TUSC3: variants seen among roughly 807,000 people sequenced by gnomAD.
TUSC3 encodes the protein tumor suppressor candidate 3.
Under a neutral mutation model 44.8 loss-of-function variants are expected in TUSC3, and 45 were observed. The observed-to-expected ratio is 1.00, with a 90% CI of 0.79 to 1.29. The LOEUF (loss-of-function observed/expected upper bound fraction) is 1.29, where lower values mean the gene tolerates loss of function less well. Among genes scored for constraint, TUSC3 ranks in the 50% most tolerant of loss-of-function variants. The pLI is 0.00. For missense variants in TUSC3, 519 were observed against 437.9 expected (o/e 1.19, Z -1.65); for synonymous variants, 212 against 152.9 (o/e 1.39, Z -2.85).
chr8:15,769,822 A>AT (rs1812409620), downstream of TUSC3, among the ~76,000 whole-genome samples: 1 of 152,248 alleles, frequency 6.6e-6, no homozygotes, highest in African/African-American at 2.4e-5. Context: ...AAGAAAGCTC[A>AT]TCATCACTGG....
the TUSC3 span, among the ~76,000 whole-genome samples, chr8:15,802,857 G>C: frequency 1.3e-5 from 2 of 151,726 alleles, no homozygotes; most frequent in East Asian, 3.9e-4. Context: ...ATCACTAACT[G>C]CGTTCATACT....
intron 1 of TUSC3, among the ~76,000 whole-genome samples, chr8:15,574,851 C>T (rs1010321684): frequency 6.6e-6 from 1 of 152,136 alleles, no homozygotes; most frequent in Non-Finnish European, 1.5e-5. Flanking sequence ...TTAGAGCAAT[C>T]AGCCAGTTAG....
chr8:15,780,225 C>T, the TUSC3 span, among the ~76,000 whole-genome samples: 1 of 152,118 alleles, frequency 6.6e-6, no homozygotes, highest in African/African-American at 2.4e-5. Flanking sequence ...AGAATATCAA[C>T]CTTAAATGGG....
At chr8:15,688,116 G>A (rs1156418873) in intron 6 of TUSC3, among the ~76,000 whole-genome samples, 1 of 151,900 alleles carries the variant, frequency 6.6e-6, no homozygotes, top group Non-Finnish European at 1.5e-5. Context: ...GGAAAATTGT[G>A]TAGTACATTG....
chr8:15,748,766 C>T (rs182129406), intron 9 of TUSC3: 21 of 553,154 alleles, frequency 3.8e-5, no homozygotes, highest in African/African-American at 1.9e-4. Flanking sequence ...CTTAGTTTGT[C>T]GTGATTTCGA....
intron 7 of TUSC3, among the ~76,000 whole-genome samples, chr8:15,737,508 C>A (rs1810987931): frequency 6.6e-6 from 1 of 152,024 alleles, no homozygotes; most frequent in South Asian, 2.1e-4. Context: ...TCAACAGGAT[C>A]AGCAAAGAAA....
chr8:15,774,524 G>T, the TUSC3 span, among the ~76,000 whole-genome samples: 2 of 152,088 alleles, frequency 1.3e-5, no homozygotes, highest in Non-Finnish European at 2.9e-5. Context: ...TCCCATAAAG[G>T]TCTCACAAGT....
At chr8:15,752,656 A>C (rs1811757258) in intron 9 of TUSC3, among the ~76,000 whole-genome samples, 1 of 152,090 alleles carries the variant, frequency 6.6e-6, no homozygotes, top group Admixed American at 6.6e-5. Context: ...TTATGACAGA[A>C]GCAGAAAATC....
chr8:15,514,726 G>A (rs933605455), intron 2 of TUSC3, among the ~76,000 whole-genome samples: 4 of 152,012 alleles, frequency 2.6e-5, no homozygotes, highest in African/African-American at 7.2e-5. Flanking sequence ...TTTATTTTAT[G>A]AAGACACATC....
chr8:15,594,137 G>A (rs36113217), intron 1 of TUSC3, among the ~76,000 whole-genome samples: 43,772 of 151,976 alleles, frequency 0.29, 6,570 homozygotes, highest in Non-Finnish European at 0.33. Context: ...CCCATAGTTC[G>A]CTGCAATTTT....
chr8:15,642,046 T>C (rs1354025850), intron 2 of TUSC3, among the ~76,000 whole-genome samples: 3 of 152,190 alleles, frequency 2.0e-5, no homozygotes, highest in Admixed American at 2.0e-4. Flanking sequence ...TTATACCTCA[T>C]TGAAGCTGGG....
At position 15,659,686 on chromosome 8, in the gene TUSC3, T is replaced by A. The variant is rs753394850; in HGVS notation, c.567+39T>A. ...CCTCACAGTTTTAATAATAGGCTGGTTAGTTTGTTTTTATGGAGCATTTTA... is the reference window on the plus strand; with the variant it reads ...CCTCACAGTTTTAATAATAGGCTGGATAGTTTGTTTTTATGGAGCATTTTA... On this transcript the variant is annotated intron_variant, in intron 4 of 10. Coordinates refer to ENST00000503731, the MANE Select transcript of TUSC3 (RefSeq NM_006765.4). 33 of 1,607,236 alleles carry A rather than the reference T, an allele frequency of 2.1e-5. No homozygotes were observed. The Admixed American group carries it at 5.3e-4, about 26-fold the overall frequency.
Position 15,619,878 on chromosome 8 carries a change from C to G in TUSC3, c.139-3202C>G, listed in dbSNP as rs116087464. On this transcript the variant is annotated intron_variant, in intron 1 of 10. Coordinates refer to ENST00000503731, the MANE Select transcript of TUSC3 (RefSeq NM_006765.4). ...TTATGAATAGATCAAGGATAATGGA[C>G]ATGAGTTTTAATTAGTAAGAAAGAG... Among the ~76,000 whole-genome samples, 1,029 of 152,156 alleles carry G rather than the reference C, an allele frequency of 6.8e-3. 18 individuals are homozygous for G. Among genetic ancestry groups the G allele is most frequent in the African/African-American group, 0.024 (984 of 41,512 alleles).
At chr8:15,793,412 G>A in the TUSC3 span, among the ~76,000 whole-genome samples, 1 of 151,872 alleles carries the variant, frequency 6.6e-6, no homozygotes, top group East Asian at 1.9e-4. Context: ...TCCACCTCAG[G>A]GCCTTTGCAC....
chr8:15,652,061 C>T (rs1021570024), intron 3 of TUSC3, among the ~76,000 whole-genome samples: 2 of 152,150 alleles, frequency 1.3e-5, no homozygotes, highest in African/African-American at 2.4e-5. Flanking sequence ...CTGTGTGGCT[C>T]CCAGAGCCCT....
chr8:15,620,365 A>G (rs1397205828), intron 1 of TUSC3, among the ~76,000 whole-genome samples: 2 of 152,210 alleles, frequency 1.3e-5, no homozygotes, highest in Admixed American at 1.3e-4. Context: ...TTTCCAGAAT[A>G]TTTGTAATGG....
intron 1 of TUSC3, among the ~76,000 whole-genome samples, chr8:15,564,500 C>T (rs1343566902): frequency 6.6e-6 from 1 of 152,106 alleles, no homozygotes; most frequent in East Asian, 1.9e-4. Context: ...TGAATATGTG[C>T]AGTGTCTATT....
chr8:15,565,684 CTT>C (rs1563292622), intron 1 of TUSC3, among the ~76,000 whole-genome samples: 1 of 152,092 alleles, frequency 6.6e-6, no homozygotes, highest in Non-Finnish European at 1.5e-5. Flanking sequence ...GTATTAAATA[CTT>C]TCATGCTTGG....
chr8:15,795,801 T>A, the TUSC3 span, among the ~76,000 whole-genome samples: 1 of 152,260 alleles, frequency 6.6e-6, no homozygotes, highest in East Asian at 1.9e-4. Flanking sequence ...CCAGATCAGT[T>A]TGAGTAATGC....
Sources: allele counts gnomAD v4.1 joint callset (sites outside exome capture counted in the v4.1 genomes callset), GRCh38; gene constraint gnomAD v4.1.1; transcripts MANE v1.5; gene names NCBI Gene and HGNC (gene_info 2026-07-23, HGNC 2026-07-21).